TENM4: variants seen among roughly 807,000 people sequenced by gnomAD.
The protein encoded by TENM4 is teneurin transmembrane protein 4.
Under a neutral mutation model 243.3 loss-of-function variants are expected in TENM4, and 82 were observed. That is an observed-to-expected ratio of 0.34 (90% CI 0.28 to 0.40). The LOEUF is 0.40. Ranked by LOEUF, TENM4 falls within the 10% of genes least tolerant of loss-of-function variation. The probability of loss-of-function intolerance (pLI) is 1.00; values close to 1 mark genes in which losing one functional copy is unlikely to be tolerated. For synonymous variants in TENM4, 1,412 were observed against 1,456.3 expected (o/e 0.97, Z 0.69); for missense variants, 3,138 against 3,673.3 (o/e 0.85, Z 3.77).
intron 28 of TENM4, among the ~76,000 whole-genome samples, chr11:78,698,440 T>C (rs1373085358): frequency 1.5e-5 from 2 of 135,930 alleles, no homozygotes; most frequent in Admixed American, 7.2e-5. Flanking sequence ...AACAAACAAA[T>C]AAACAAACAG....
At chr11:79,327,207 A>G (rs1019809121) in intron 1 of TENM4, among the ~76,000 whole-genome samples, 4 of 152,230 alleles carry the variant, frequency 2.6e-5, no homozygotes, top group Non-Finnish European at 5.9e-5. Context: ...TGCCATAGAA[A>G]TAGATAATTT....
At chr11:78,923,016 C>G (rs760418828) in intron 6 of TENM4, among the ~76,000 whole-genome samples, 3 of 152,060 alleles carry the variant, frequency 2.0e-5, no homozygotes, top group Non-Finnish European at 4.4e-5. Flanking sequence ...TCTCATATGC[C>G]AGGTATTGAA....
Position 78,912,239 on chromosome 11 carries a change from G to A in TENM4, c.494-8716C>T, listed in dbSNP as rs113283531. Among the ~76,000 whole-genome samples, 911 of 152,278 alleles carry A rather than the reference G, an allele frequency of 6.0e-3. 2 individuals are homozygous for A. The highest frequency in any genetic ancestry group is 0.02 in the Middle Eastern group (6 of 294). On this transcript the variant is annotated intron_variant, in intron 6 of 33. Transcript: ENST00000278550. ...CCTGGAGCCAGAGGGAGTTTCAAGGGTGTTCAGAAAGAGGGCTCACCCCGA... is the reference window on the plus strand; with the variant it reads ...CCTGGAGCCAGAGGGAGTTTCAAGGATGTTCAGAAAGAGGGCTCACCCCGA...
intron 1 of TENM4, among the ~76,000 whole-genome samples, chr11:79,341,378 G>A (rs1857239157): frequency 6.6e-6 from 1 of 152,116 alleles, no homozygotes; most frequent in Non-Finnish European, 1.5e-5. Context: ...TGCCCTCCAC[G>A]TGCCATGCCT....
chr11:79,090,778 T>C (rs940144769), intron 4 of TENM4, among the ~76,000 whole-genome samples: 5 of 152,224 alleles, frequency 3.3e-5, no homozygotes, highest in African/African-American at 1.2e-4. Context: ...TCTCTGCCCA[T>C]CATCCTTTCC....
intron 6 of TENM4, among the ~76,000 whole-genome samples, chr11:78,951,562 G>A (rs1857109077): frequency 6.6e-6 from 1 of 152,214 alleles, no homozygotes; most frequent in Non-Finnish European, 1.5e-5. Flanking sequence ...TGAAGGCTGG[G>A]AAGTCCAAGA....
intron 2 of TENM4, among the ~76,000 whole-genome samples, chr11:79,287,299 T>C (rs535821049): frequency 2.6e-5 from 4 of 152,272 alleles, no homozygotes; most frequent in South Asian, 2.1e-4. Context: ...GAAGATGGAA[T>C]AGGTGAAGTA....
intron 1 of TENM4, among the ~76,000 whole-genome samples, chr11:79,317,368 T>C (rs1326361945): frequency 1.3e-5 from 2 of 152,074 alleles, no homozygotes; most frequent in African/African-American, 4.8e-5. Context: ...ATCTGTAATC[T>C]ATAAAGGTAA....
intron 13 of TENM4, 50 bp downstream of exon 13, chr11:78,814,244 C>A (rs1234556808): frequency 2.0e-6 from 3 of 1,520,636 alleles, no homozygotes; most frequent in Admixed American, 4.0e-5. Context: ...AGTGAGCTGC[C>A]TGAGGGGTCT....
intron 18 of TENM4, among the ~76,000 whole-genome samples, chr11:78,759,002 G>A (rs896211638): frequency 6.6e-6 from 1 of 152,188 alleles, no homozygotes; most frequent in Non-Finnish European, 1.5e-5. Flanking sequence ...CATAGTATCT[G>A]ACACATGGTA....
intron 2 of TENM4, among the ~76,000 whole-genome samples, chr11:79,286,716 T>C (rs1419523421): frequency 6.6e-6 from 1 of 151,992 alleles, no homozygotes; most frequent in Non-Finnish European, 1.5e-5. Flanking sequence ...ACACAAACCT[T>C]TAGGACTGGC....
chr11:78,868,810 T>C (rs1334398392), intron 9 of TENM4, among the ~76,000 whole-genome samples: 1 of 152,138 alleles, frequency 6.6e-6, no homozygotes, highest in Non-Finnish European at 1.5e-5. Context: ...GACACGGTTA[T>C]AACCACAAGG....
chr11:78,860,664 C>T (rs1858797147), intron 10 of TENM4, among the ~76,000 whole-genome samples: 2 of 152,208 alleles, frequency 1.3e-5, no homozygotes, highest in Non-Finnish European at 2.9e-5. Context: ...AAAGGAAGAA[C>T]ATTGTGGTCT....
intron 6 of TENM4, among the ~76,000 whole-genome samples, chr11:78,993,263 A>G (rs1858089104): frequency 6.6e-6 from 1 of 152,184 alleles, no homozygotes; most frequent in Admixed American, 6.5e-5. Flanking sequence ...GGGCATTACT[A>G]GAAGGAGAAA....
intron 1 of TENM4, among the ~76,000 whole-genome samples, chr11:79,432,234 T>A (rs1859184158): frequency 1.3e-5 from 2 of 152,230 alleles, no homozygotes; most frequent in African/African-American, 4.8e-5. Context: ...AGGCAAGAGC[T>A]GCCTTCTTCC....
At chr11:79,034,970 G>A (rs970805035) in intron 6 of TENM4, among the ~76,000 whole-genome samples, 11 of 152,180 alleles carry the variant, frequency 7.2e-5, no homozygotes, top group African/African-American at 2.4e-4. Flanking sequence ...CAGAGGGCTG[G>A]GGCTAAGGTC....
chr11:79,055,379 C>T lies in TENM4; in HGVS notation c.493+9359G>A, dbSNP rs552546214. 5.3e-5 allele frequency among the ~76,000 whole-genome samples: 8 copies of T among 152,124 alleles called. No individual in the cohort carries two copies. In the South Asian group the frequency reaches 1.7e-3, roughly 32 times the overall value. On this transcript the variant is annotated intron_variant, in intron 6 of 33. Coordinates refer to ENST00000278550, the MANE Select transcript of TENM4 (RefSeq NM_001098816.3). ...ACCTCAGCTTCCTGAGTAGCTGGGA[C>T]TACAGGCACACACCACCACACCCAG...
intron 1 of TENM4, among the ~76,000 whole-genome samples, chr11:79,335,758 C>T (rs1282795026): frequency 6.6e-6 from 1 of 152,164 alleles, no homozygotes. Flanking sequence ...ATGTTTTGCA[C>T]AAAGAGGAGA....
At chr11:78,795,068 C>A (rs2136059502) in intron 15 of TENM4, among the ~76,000 whole-genome samples, 1 of 152,286 alleles carries the variant, frequency 6.6e-6, no homozygotes. Flanking sequence ...TTTCCATAGT[C>A]TGGGCTCCTT....
Sources: gnomAD v4.1 joint callset for allele counts (sites outside exome capture counted in the v4.1 genomes callset) on GRCh38, gnomAD v4.1.1 for gene constraint, MANE v1.5 for transcripts, NCBI Gene and HGNC (gene_info 2026-07-23, HGNC 2026-07-21) for gene names.